Variants in TRIM16 observed in about 807,000 individuals in gnomAD.
TRIM16 encodes the protein tripartite motif containing 16.
Under a neutral mutation model 50.4 loss-of-function variants are expected in TRIM16, and 33 were observed. That is an observed-to-expected ratio of 0.65 (90% CI 0.50 to 0.88). TRIM16 has a LOEUF of 0.88. Among genes scored for constraint, TRIM16 ranks in the 40% least tolerant of loss-of-function variants. TRIM16 has a pLI of 0.00. For synonymous variants in TRIM16, 229 were observed against 270.7 expected (o/e 0.85, Z 1.51); for missense variants, 581 against 686.8 (o/e 0.85, Z 1.72).
intron 4 of TRIM16, among the ~76,000 whole-genome samples, chr17:15,679,634 A>G (rs1165774437): frequency 1.3e-5 from 2 of 152,202 alleles, no homozygotes; most frequent in Non-Finnish European, 2.9e-5. Context: ...GGTAAGTAAG[A>G]AACTAAGAAA....
chr17:15,659,199 A>G (rs2150925731), intron 6 of TRIM16, among the ~76,000 whole-genome samples: 1 of 152,358 alleles, frequency 6.6e-6, no homozygotes, highest in Admixed American at 6.5e-5. Flanking sequence ...CTATGCCCTT[A>G]GCGACGGACA....
chr17:15,680,386 AG>A (rs1379238991), intron 4 of TRIM16, among the ~76,000 whole-genome samples: 1 of 149,560 alleles, frequency 6.7e-6, no homozygotes, highest in Non-Finnish European at 1.5e-5. Flanking sequence ...TGTGCCACAC[AG>A]ATTTGTGTAC....
chr17:15,653,478 T>G (rs903367841), intron 6 of TRIM16, among the ~76,000 whole-genome samples: 3 of 152,232 alleles, frequency 2.0e-5, no homozygotes, highest in Non-Finnish European at 4.4e-5. Flanking sequence ...CTCACAGTTC[T>G]AGAAGCTGGA....
chr17:15,673,069 A>C (rs1468313082), intron 6 of TRIM16, among the ~76,000 whole-genome samples: 1 of 152,218 alleles, frequency 6.6e-6, no homozygotes, highest in Non-Finnish European at 1.5e-5. Flanking sequence ...ATTACCAAAG[A>C]TGAGGACTCT....
intron 4 of TRIM16, among the ~76,000 whole-genome samples, chr17:15,679,658 C>A (rs1157821485): frequency 2.0e-5 from 3 of 152,198 alleles, no homozygotes; most frequent in African/African-American, 4.8e-5. Context: ...GCCAAGCTGG[C>A]CGGGCGTGGT....
chr17:15,635,200 G>T (rs1474971180), intron 9 of TRIM16, among the ~76,000 whole-genome samples: 2 of 146,530 alleles, frequency 1.4e-5, no homozygotes, highest in African/African-American at 5.1e-5. Context: ...AGCTTGGATG[G>T]AGCCTTCTGA....
In TRIM16 at chr17:15,631,689, C is replaced by A; in HGVS notation, c.1041G>T (p.Val347=). Residue 347 remains valine, a synonymous_variant, in exon 11 of 12, where the codon GTG becomes GTT. Transcript: ENST00000649191. ...AATATTTGCGCTGAACAACGGCAGACACTTGAGTTCTGATGTCATACTCCT... is the reference window on the plus strand; with the variant it reads ...AATATTTGCGCTGAACAACGGCAGAAACTTGAGTTCTGATGTCATACTCCT... ...KEEEYDIRTQ[V]SAVVQRKYWT... 1 of 1,613,930 alleles carries A rather than the reference C, an allele frequency of 6.2e-7. No individual in the cohort carries two copies. The highest frequency in any genetic ancestry group is 8.5e-7 in the Non-Finnish European group (1 of 1,179,860).
At position 15,665,462 on chromosome 17, in the gene TRIM16, T is replaced by C. The variant is rs559021569; in HGVS notation, c.-338+11714A>G. On this transcript the variant is annotated intron_variant, in intron 6 of 11. Coordinates refer to ENST00000649191, the MANE Select transcript of TRIM16 (RefSeq NM_001348119.1). ...AGGCAGAGCTTGCCATGAGCCGAAA[T>C]GGTGCCACTGCACTCCAGCCTAGGC... 3.9e-5 allele frequency among the ~76,000 whole-genome samples: 6 copies of C among 152,244 alleles called. No homozygotes were observed. The East Asian group carries it at 9.7e-4, about 25-fold the overall frequency.
intron 6 of TRIM16, among the ~76,000 whole-genome samples, chr17:15,653,161 T>C (rs1435293984): frequency 1.3e-5 from 2 of 152,134 alleles, no homozygotes; most frequent in African/African-American, 2.4e-5. Context: ...AAAAAGAGCC[T>C]GGCACCACCC....
chr17:15,633,202 C>T lies in TRIM16; in HGVS notation c.850-528G>A, dbSNP rs1312697746. On this transcript the variant is annotated intron_variant, in intron 9 of 11. Coordinates refer to ENST00000649191, the MANE Select transcript of TRIM16 (RefSeq NM_001348119.1). ...TAGTTTCATGTAAGTTTTGAAATAA[C>T]GTGTGATCAGGAAAGATGCTTTCAG... 4.6e-5 allele frequency among the ~76,000 whole-genome samples: 7 copies of T among 152,072 alleles called. No homozygotes were observed. The East Asian group carries it at 1.4e-3, about 30-fold the overall frequency.
In TRIM16 at chr17:15,629,210, C is replaced by A; in HGVS notation, c.1112-12G>T. On this transcript the variant is annotated splice_polypyrimidine_tract_variant and intron_variant, in intron 11 of 11. Transcript: ENST00000649191. ...GATGTCATACGCATCTGAGGAGACA[C>A]AGAAGGCAGGAGAGTGGTTCAGGAA... 6.3e-7 allele frequency: 1 copy of A among 1,586,696 alleles called. No individual in the cohort carries two copies.
rs755885646 is a variant in TRIM16 at position 15,636,508 on chromosome 17, G to T, written c.616-239C>A. ...GAGTGAATTCCTCTATGACCTCTGA[G>T]ATCCCTCACAACTCTGACACTCCGG... On this transcript the variant is annotated intron_variant, in intron 8 of 11. Coordinates refer to ENST00000649191, the MANE Select transcript of TRIM16 (RefSeq NM_001348119.1). Among the ~76,000 whole-genome samples the T allele has an allele frequency of 8.1e-5, 12 of 148,966 alleles. 2 individuals carry two copies. The highest frequency in any genetic ancestry group is 1.0e-4 in the Non-Finnish European group (7 of 67,200).
chr17:15,635,335 C>A (rs1357029532), intron 9 of TRIM16, among the ~76,000 whole-genome samples: 1 of 148,832 alleles, frequency 6.7e-6, no homozygotes, highest in Admixed American at 6.6e-5. Flanking sequence ...CCTAGTGTTC[C>A]TTCCTCGAAA....
Position 15,665,593 on chromosome 17 carries a change from G to T in TRIM16, c.-338+11583C>A, listed in dbSNP as rs368334058. Among the ~76,000 whole-genome samples, 80 of 152,282 alleles carry T rather than the reference G, an allele frequency of 5.3e-4. 1 individual carries two copies. The South Asian group carries it at 0.016, about 30-fold the overall frequency. On this transcript the variant is annotated intron_variant, in intron 6 of 11. Coordinates refer to ENST00000649191, the MANE Select transcript of TRIM16 (RefSeq NM_001348119.1). ...GATAATGAATGGGTAACATTCAAGT[G>T]ATAACACATTCTCCTGGCTGCCCAC...
At chr17:15,683,256 A>G (rs1342242358) in intron 1 of TRIM16, 99 bp from the exon 2 acceptor site, 3 of 947,630 alleles carry the variant, frequency 3.2e-6, no homozygotes, top group Non-Finnish European at 4.6e-6. Context: ...CTGACGCAGT[A>G]TCTTTTGAGC....
In TRIM16 at chr17:15,659,413, C is replaced by G. The variant is rs543443147; in HGVS notation, c.-337-7467G>C. Among the ~76,000 whole-genome samples the G allele has an allele frequency of 2.0e-4, 30 of 152,234 alleles. No individual in the cohort carries two copies. The South Asian group carries it at 6.2e-3, about 32-fold the overall frequency. ...CACCTAGAAACCTACTTGGGGGAGTCTGCAATGCCCTGGAAATGGAGAGCT... is the reference window on the plus strand; with the variant it reads ...CACCTAGAAACCTACTTGGGGGAGTGTGCAATGCCCTGGAAATGGAGAGCT... On this transcript the variant is annotated intron_variant, in intron 6 of 11. Coordinates refer to ENST00000649191, the MANE Select transcript of TRIM16 (RefSeq NM_001348119.1).
chr17:15,629,213 A>G lies in TRIM16; in HGVS notation c.1112-15T>C. 6.3e-7 allele frequency: 1 copy of G among 1,580,090 alleles called. No individual in the cohort carries two copies. Among genetic ancestry groups the G allele is most frequent in the Non-Finnish European group, 8.6e-7 (1 of 1,159,832 alleles). On this transcript the variant is annotated splice_polypyrimidine_tract_variant and intron_variant, in intron 11 of 11. Coordinates refer to ENST00000649191, the MANE Select transcript of TRIM16 (RefSeq NM_001348119.1). The stretch of plus-strand genomic sequence containing the variant: ...GTCATACGCATCTGAGGAGACACAG[A>G]AGGCAGGAGAGTGGTTCAGGAACTG...
Position 15,680,953 on chromosome 17 carries a change from A to G in TRIM16, c.-678T>C. 3 of 1,509,728 alleles carry G rather than the reference A, an allele frequency of 2.0e-6. No individual in the cohort carries two copies. The highest frequency in any genetic ancestry group is 2.6e-6 in the Non-Finnish European group (3 of 1,132,166). The allele number at this position is 1,509,728 out of a possible 1,614,324, so 93.5% of individuals were successfully genotyped here. A position where few individuals can be genotyped will look rare whatever the true frequency, so the allele number is the denominator to read the frequency against. ...AAGGGCAGGGTCCTCAGAGGGCAGAACTGGAAGGAAATTGACATAAAGGAA... is the reference window on the plus strand; with the variant it reads ...AAGGGCAGGGTCCTCAGAGGGCAGAGCTGGAAGGAAATTGACATAAAGGAA... On this transcript the variant is annotated splice_region_variant and 5_prime_UTR_variant, in exon 4 of 12. Coordinates refer to ENST00000649191, the MANE Select transcript of TRIM16 (RefSeq NM_001348119.1).
At chr17:15,629,720 C>T (rs1986312031) in intron 11 of TRIM16, among the ~76,000 whole-genome samples, 1 of 152,186 alleles carries the variant, frequency 6.6e-6, no homozygotes, top group Non-Finnish European at 1.5e-5. Context: ...TCTCATGCAC[C>T]CCATTGCTCA....
Sources: gnomAD v4.1 joint callset for allele counts (sites outside exome capture counted in the v4.1 genomes callset) on GRCh38, gnomAD v4.1.1 for gene constraint, MANE v1.5 for transcripts, NCBI Gene and HGNC (gene_info 2026-07-23, HGNC 2026-07-21) for gene names.